Variants in CLYBL observed in about 807,000 individuals in gnomAD.
CLYBL encodes the protein citramalyl-CoA lyase, mitochondrial.
CLYBL carries 31 observed loss-of-function variants against 38.9 expected under a neutral mutation model. That is an observed-to-expected ratio of 0.80 (90% CI 0.60 to 1.08). The LOEUF (loss-of-function observed/expected upper bound fraction) is 1.08, where lower values mean the gene tolerates loss of function less well. Ranked by LOEUF, CLYBL falls within the 50% of genes least tolerant of loss-of-function variation. CLYBL has a pLI of 0.00. For missense variants in CLYBL, 434 were observed against 411.6 expected (o/e 1.05, Z -0.47); for synonymous variants, 171 against 158.6 (o/e 1.08, Z -0.59).
chr13:99,716,555 T>C (rs2048318383), intron 1 of CLYBL, among the ~76,000 whole-genome samples: 1 of 149,994 alleles, frequency 6.7e-6, no homozygotes, highest in Non-Finnish European at 1.5e-5. Context: ...GGGTAATTTT[T>C]ATATTTTTAA....
chr13:99,722,587 G>A (rs1400133495), intron 1 of CLYBL, among the ~76,000 whole-genome samples: 2 of 152,180 alleles, frequency 1.3e-5, no homozygotes, highest in Admixed American at 1.3e-4. Context: ...GTGAATGAAT[G>A]AATGCATTTT....
At chr13:99,879,935 T>C (rs528541601) in intron 7 of CLYBL, among the ~76,000 whole-genome samples, 1 of 151,824 alleles carries the variant, frequency 6.6e-6, no homozygotes, top group Non-Finnish European at 1.5e-5. Flanking sequence ...ATCATCATAC[T>C]CCTAACAGTA....
chr13:99,626,871 A>C (rs2046877233), intron 1 of CLYBL, among the ~76,000 whole-genome samples: 1 of 151,828 alleles, frequency 6.6e-6, no homozygotes, highest in Non-Finnish European at 1.5e-5. Context: ...ATGACATTCC[A>C]GAGCTTCAGT....
At chr13:99,795,999 G>A (rs1432340679) in intron 2 of CLYBL, among the ~76,000 whole-genome samples, 2 of 152,158 alleles carry the variant, frequency 1.3e-5, no homozygotes, top group East Asian at 3.9e-4. Context: ...GGATGGATAG[G>A]TACACAGGGG....
chr13:99,838,900 A>G (rs993578059), intron 2 of CLYBL, among the ~76,000 whole-genome samples: 1 of 152,184 alleles, frequency 6.6e-6, no homozygotes, highest in Non-Finnish European at 1.5e-5. Context: ...CGGCCTCCCA[A>G]AGTGCTGGGA....
At chr13:99,851,466 A>C (rs1390187222) in intron 2 of CLYBL, among the ~76,000 whole-genome samples, 1 of 152,058 alleles carries the variant, frequency 6.6e-6, no homozygotes, top group Non-Finnish European at 1.5e-5. Context: ...AAGAAGATTT[A>C]AAAGGAAAAC....
At chr13:99,633,314 C>T (rs146461289) in intron 1 of CLYBL, among the ~76,000 whole-genome samples, 8 of 148,994 alleles carry the variant, frequency 5.4e-5, no homozygotes, top group East Asian at 4.0e-4. Flanking sequence ...CAGAAGTGGG[C>T]GGATCACTTG....
chr13:99,742,093 G>A (rs2048767328), intron 1 of CLYBL, among the ~76,000 whole-genome samples: 2 of 152,170 alleles, frequency 1.3e-5, no homozygotes, highest in African/African-American at 2.4e-5. Flanking sequence ...ATGTTCACAC[G>A]TGCTAGTTTT....
In CLYBL at chr13:99,775,902, A is replaced by G. The variant is rs377759701; in HGVS notation, c.249+2892A>G. ...CAATAGGCCGGGCACGGTGGCTCAC[A>G]CCTGTAATCCCAGCACTTTGGGAGG... On this transcript the variant is annotated intron_variant, in intron 2 of 8. Transcript: ENST00000339105. 9.3e-4 allele frequency among the ~76,000 whole-genome samples: 141 copies of G among 151,904 alleles called. 1 individual carries two copies. The East Asian group carries it at 0.016, about 17-fold the overall frequency.
At chr13:99,742,330 C>G (rs761082329) in intron 1 of CLYBL, among the ~76,000 whole-genome samples, 17 of 152,154 alleles carry the variant, frequency 1.1e-4, no homozygotes, top group African/African-American at 4.1e-4. Flanking sequence ...AAGCAGGAAG[C>G]CTTCTTTGCT....
intron 1 of CLYBL, among the ~76,000 whole-genome samples, chr13:99,641,550 T>C (rs1484701653): frequency 6.6e-6 from 1 of 150,684 alleles, no homozygotes; most frequent in Admixed American, 6.6e-5. Flanking sequence ...GCACCTGTAA[T>C]CTCAGCACTT....
At chr13:99,638,044 T>C (rs2047046864) in intron 1 of CLYBL, among the ~76,000 whole-genome samples, 1 of 145,456 alleles carries the variant, frequency 6.9e-6, no homozygotes, top group South Asian at 2.4e-4. Flanking sequence ...GTTCACTGCA[T>C]TCTCGACCAC....
intron 1 of CLYBL, among the ~76,000 whole-genome samples, chr13:99,744,048 C>G (rs1331726155): frequency 7.1e-6 from 1 of 140,512 alleles, no homozygotes; most frequent in African/African-American, 2.7e-5. Flanking sequence ...TATCAGCTCA[C>G]TGCAAGCTCC....
chr13:99,618,619 C>T (rs892793870), intron 1 of CLYBL, among the ~76,000 whole-genome samples: 3 of 152,168 alleles, frequency 2.0e-5, no homozygotes, highest in Non-Finnish European at 4.4e-5. Context: ...AGTACATTCA[C>T]ATTGTTGTAC....
intron 1 of CLYBL, among the ~76,000 whole-genome samples, chr13:99,616,142 G>C (rs931079042): frequency 2.0e-5 from 2 of 102,244 alleles, no homozygotes; most frequent in Non-Finnish European, 4.0e-5. Context: ...ACCACGCCTG[G>C]CTTTTTTTTT....
At chr13:99,712,798 A>T (rs1456433157) in intron 1 of CLYBL, among the ~76,000 whole-genome samples, 1 of 152,216 alleles carries the variant, frequency 6.6e-6, no homozygotes, top group Non-Finnish European at 1.5e-5. Context: ...TTTCTAGGCC[A>T]GCTGCATTTC....
chr13:99,881,867 T>C (rs985254453), intron 7 of CLYBL, among the ~76,000 whole-genome samples: 2 of 152,192 alleles, frequency 1.3e-5, no homozygotes, highest in African/African-American at 4.8e-5. Flanking sequence ...ACTCATATAT[T>C]GTATTATTGA....
chr13:99,614,653 C>G (rs915021959), intron 1 of CLYBL, among the ~76,000 whole-genome samples: 6 of 152,110 alleles, frequency 3.9e-5, no homozygotes, highest in Non-Finnish European at 7.4e-5. Context: ...TCTGTTGCAG[C>G]TGTGTGGGGC....
intron 1 of CLYBL, among the ~76,000 whole-genome samples, chr13:99,680,710 C>A (rs181267811): frequency 3.1e-4 from 47 of 152,284 alleles, no homozygotes; most frequent in Admixed American, 2.3e-3. Context: ...TTGCCATGTG[C>A]CTATGGAATA....
Sources: allele counts gnomAD v4.1 joint callset (sites outside exome capture counted in the v4.1 genomes callset), GRCh38; gene constraint gnomAD v4.1.1; transcripts MANE v1.5; gene names NCBI Gene and HGNC (gene_info 2026-07-23, HGNC 2026-07-21).